The following AK1 variants were observed in gnomAD, a reference collection of about 807,000 sequenced individuals.
AK1 encodes adenylate kinase isoenzyme 1.
AK1 carries 13 observed loss-of-function variants against 23.9 expected under a neutral mutation model. The ratio of observed to expected loss-of-function variants is 0.54; its 90% CI spans 0.35 to 0.86. The LOEUF (loss-of-function observed/expected upper bound fraction) is 0.86. AK1 is among the 40% of genes least tolerant of loss of function. AK1 has a pLI of 0.01. For missense variants in AK1, 214 were observed against 255.1 expected, an observed-to-expected ratio of 0.84 and a Z score of 1.10; for synonymous variants, 97 against 102.8, an observed-to-expected ratio of 0.94 and a Z score of 0.34.
At chr9:127,874,803 C>T (rs1829499679) in intron 1 of AK1, 154 bp from the exon 2 acceptor site, 2 of 732,710 alleles carry the variant, frequency 2.7e-6, no homozygotes, top group Non-Finnish European at 4.6e-6. Context: ...CCCAGGACCC[C>T]TTCCCTGAGA....
chr9:127,873,221 G>A, intron 2 of AK1, 160 bp from the exon 3 acceptor site: 1 of 1,538,122 alleles, frequency 6.5e-7, no homozygotes. Flanking sequence ...GAGTCAGCAG[G>A]GATGTGAGTG....
At chr9:127,873,977 G>A (rs1389640266) in intron 2 of AK1, 1 of 985,428 alleles carries the variant, frequency 1.0e-6, no homozygotes, top group Non-Finnish European at 1.2e-6. Flanking sequence ...CTCCTCCTGT[G>A]GGCCCCTATC....
chr9:127,877,315 G>A lies in AK1; in HGVS notation c.-33+308C>T, dbSNP rs1215665181. 6.6e-6 allele frequency among the ~76,000 whole-genome samples: 1 copy of A among 152,092 alleles called. No individual in the cohort carries two copies. Among genetic ancestry groups the A allele is most frequent in the African/African-American group, 2.4e-5 (1 of 41,420 alleles). ...GGGCCCAAGCTGGGACATGCCAAGG[G>A]CAGTGACCTGGAGCCCCGGGAGTGC... On this transcript the variant is annotated intron_variant, in intron 1 of 6. Transcript: ENST00000644144. This position sits in a 1 kb window ranked among gnomAD's most constrained non-coding sequence, Gnocchi z 5.2.
rs1034904213 is a variant in AK1, at chr9:127,867,571, G to A, written c.*437C>T. 1 of 241,916 alleles carries A rather than the reference G, an allele frequency of 4.1e-6. No homozygotes were observed. The highest frequency in any genetic ancestry group is 8.2e-6 in the Non-Finnish European group (1 of 121,666). 15.0% of individuals were successfully genotyped at this position (241,916 alleles called of 1,614,324 possible). On this transcript the variant is annotated 3_prime_UTR_variant, in exon 7 of 7. Coordinates refer to ENST00000644144, the MANE Select transcript of AK1 (RefSeq NM_000476.3). ...GGTCAGGGCCAAGGCCACAGAGCAAGATGCAGAGGAGCCCAGGCTGGGACC... is the reference window on the plus strand; with the variant it reads ...GGTCAGGGCCAAGGCCACAGAGCAAAATGCAGAGGAGCCCAGGCTGGGACC...
At chr9:127,870,556 C>A (rs968556265) in intron 5 of AK1, among the ~76,000 whole-genome samples, 2 of 152,140 alleles carry the variant, frequency 1.3e-5, no homozygotes, top group Admixed American at 1.3e-4. Flanking sequence ...TGGTACCACA[C>A]AGCTGGTATG....
chr9:127,872,948 A>G (rs1588617372), intron 3 of AK1, 78 bp downstream of exon 3: 1 of 1,613,298 alleles, frequency 6.2e-7, no homozygotes, highest in Non-Finnish European at 8.5e-7. Flanking sequence ...GGCAGAGCCC[A>G]GGGTGCAGCC....
chr9:127,872,086 C>T (rs779971943), intron 4 of AK1, 147 bp from the exon 5 acceptor site: 4 of 714,470 alleles, frequency 5.6e-6, no homozygotes, highest in Admixed American at 4.0e-5. Context: ...GAAGCTTCCT[C>T]GGAATTGTGG....
chr9:127,871,605 C>T lies in AK1; in HGVS notation c.324+218G>A, dbSNP rs754253442. Among the ~76,000 whole-genome samples the T allele has an allele frequency of 6.6e-6, 1 of 151,578 alleles. No individual in the cohort carries two copies. The highest frequency in any genetic ancestry group is 1.5e-5 in the Non-Finnish European group (1 of 68,034). On this transcript the variant is annotated intron_variant, in intron 5 of 6. Transcript: ENST00000644144. This position sits in a 1 kb window ranked among gnomAD's most constrained non-coding sequence, Gnocchi z 4.4. ...CAAGCCGTTGAGCTGGAATCTGAGC[C>T]CAGGTTTGGCAACTGCCCCTCCTGG... is the stretch of plus-strand genomic sequence containing the variant.
In AK1 at chr9:127,867,750, G is replaced by A. The variant is rs1367249180; in HGVS notation, c.*258C>T. On this transcript the variant is annotated 3_prime_UTR_variant, in exon 7 of 7. Coordinates refer to ENST00000644144, the MANE Select transcript of AK1 (RefSeq NM_000476.3). Reference sequence around the variant, plus strand: ...CAAAGGGAGGCTGAGGAGGAACGGAGGGTTGAGGGGCTGGGGACTTGCGGC... The same window carrying A: ...CAAAGGGAGGCTGAGGAGGAACGGAAGGTTGAGGGGCTGGGGACTTGCGGC... The A allele has an allele frequency of 2.3e-5, 11 of 480,432 alleles. No individual in the cohort carries two copies. Among genetic ancestry groups the A allele is most frequent in the Non-Finnish European group, 3.4e-5 (9 of 262,624 alleles). 29.8% of individuals were successfully genotyped at this position (480,432 alleles called of 1,614,324 possible). A position where few individuals can be genotyped will look rare whatever the true frequency, so the allele number is the denominator to read the frequency against.
intron 5 of AK1, among the ~76,000 whole-genome samples, chr9:127,870,370 T>A (rs568841689): frequency 6.6e-6 from 1 of 152,220 alleles, no homozygotes; most frequent in East Asian, 1.9e-4. Flanking sequence ...GCCTGGCTAA[T>A]TTTTGTATTT....
rs1311177467 is a variant in AK1, at chr9:127,874,401, G to T, written c.7+210C>A. 4 of 985,252 alleles carry T rather than the reference G, an allele frequency of 4.1e-6. No homozygotes were observed. The East Asian group carries it at 3.4e-4, about 84-fold the overall frequency. 61.0% of individuals were successfully genotyped at this position (985,252 alleles called of 1,614,324 possible). ...TGCGCTGGGGCCCTCAGGAGCCTTG[G>T]GGAGGCCTCGTCACGTCTAAAATTA... On this transcript the variant is annotated intron_variant, in intron 2 of 6. Transcript: ENST00000644144.
intron 2 of AK1, chr9:127,873,359 C>T: frequency 6.4e-7 from 1 of 1,563,790 alleles, no homozygotes; most frequent in Admixed American, 1.9e-5. Flanking sequence ...CTCATGGCGC[C>T]TCCCTGTGGG....
intron 1 of AK1, among the ~76,000 whole-genome samples, chr9:127,875,507 C>T (rs1256901272): frequency 6.6e-6 from 1 of 151,526 alleles, no homozygotes; most frequent in Non-Finnish European, 1.5e-5. Context: ...GCCACACTCC[C>T]CTCCAGCCTT....
chr9:127,871,874 C>G lies in AK1; in HGVS notation c.273G>C (p.Leu91=), dbSNP rs1464931003. ...VAKVNTSKGF[L]IDGYPREVQQ... is the part of the protein sequence containing the mutation. ...GCACCTCCCGCGGGTAGCCATCAAT[C>G]AGGAAGCCTTTGGAAGTATTGACTT... is the stretch of plus-strand genomic sequence containing the variant. The change falls in exon 5 of 7, where the codon CTG becomes CTC. Residue 91 remains leucine (L), a synonymous_variant. Transcript: ENST00000644144. The surrounding 1 kb of genome is among the most constrained non-coding windows in gnomAD (Gnocchi z 4.4). The G allele has an allele frequency of 1.9e-6, 3 of 1,614,068 alleles. No individual in the cohort carries two copies. The highest frequency in any genetic ancestry group is 1.7e-5 in the Admixed American group (1 of 60,000).
Position 127,868,084 on chromosome 9 carries a change from G to A in AK1, c.517-8C>T. 1 of 1,613,980 alleles carries A rather than the reference G, an allele frequency of 6.2e-7. No homozygotes were observed. The highest frequency in any genetic ancestry group is 8.5e-7 in the Non-Finnish European group (1 of 1,179,878). On this transcript the variant is annotated splice_region_variant and splice_polypyrimidine_tract_variant and intron_variant, in intron 6 of 6. Coordinates refer to ENST00000644144, the MANE Select transcript of AK1 (RefSeq NM_000476.3). The surrounding 1 kb of genome is among the most constrained non-coding windows in gnomAD (Gnocchi z 4.1). ...GGAGCCCTCAGCGTTGACCTGTGGG[G>A]AGATGGGCCGTGAGGGCTGAGTCAC...
Position 127,873,056 on chromosome 9 carries a change from G to C in AK1, c.13C>G (p.Leu5Val). The part of the protein sequence containing the change: MEEK[L>V]KKTKIIFVVG... ...ACAAAGATGATCTTGGTTTTCTTCA[G>C]CTTCTCTGCGGGAGAGAAAAGGGGA... The change falls in exon 3 of 7, where the codon CTG (leucine) becomes GTG (valine). Residue 5 changes from leucine to valine, a missense_variant. Physicochemically the swap from Leu to Val is conservative, Grantham distance 32. Transcript: ENST00000644144. The C allele has an allele frequency of 6.2e-7, 1 of 1,614,022 alleles. No individual in the cohort carries two copies. Among genetic ancestry groups the C allele is most frequent in the African/African-American group, 1.3e-5 (1 of 75,064 alleles).
Position 127,874,610 on chromosome 9 carries a change from C to T in AK1, c.7+1G>A. 7 of 1,613,644 alleles carry T rather than the reference C, an allele frequency of 4.3e-6. No homozygotes were observed. Among genetic ancestry groups the T allele is most frequent in the Non-Finnish European group, 5.9e-6 (7 of 1,179,954 alleles). On this transcript the variant is annotated splice_donor_variant, in intron 2 of 6. Transcript: ENST00000644144. LOFTEE classifies it high-confidence loss of function. Reference sequence around the variant, plus strand: ...TGGGCAAAAGGAGAGGAGGCTCATACCTTCCATCCTGCCGAGGTCCCGGGA... The same window carrying T: ...TGGGCAAAAGGAGAGGAGGCTCATATCTTCCATCCTGCCGAGGTCCCGGGA...
chr9:127,868,520 C>T lies in AK1; in HGVS notation c.325-8G>A, dbSNP rs746291169. ...CAGTGTGGGCTGTCCAATCTGCAGG[C>T]GGGCACCATGTCACAGGGACCCCAT... On this transcript the variant is annotated splice_polypyrimidine_tract_variant and splice_region_variant and intron_variant, in intron 5 of 6. Coordinates refer to ENST00000644144, the MANE Select transcript of AK1 (RefSeq NM_000476.3). The surrounding 1 kb of genome is among the most constrained non-coding windows in gnomAD (Gnocchi z 4.1). 32 of 1,571,460 alleles carry T rather than the reference C, an allele frequency of 2.0e-5. No homozygotes were observed. In the East Asian group the frequency reaches 2.3e-4, roughly 11 times the overall value.
intron 2 of AK1, chr9:127,873,562 C>T: frequency 7.0e-7 from 1 of 1,430,412 alleles, no homozygotes. Flanking sequence ...ACATATGTTG[C>T]CATGGAGACA....
Sources: gnomAD v4.1 joint callset for allele counts (sites outside exome capture counted in the v4.1 genomes callset) on GRCh38, gnomAD v4.1.1 for gene constraint, Gnocchi (gnomAD v3.1) non-coding constraint, MANE v1.5 for transcripts, NCBI Gene and HGNC (gene_info 2026-07-23, HGNC 2026-07-21) for gene names.